The following GRM1 variants were observed in gnomAD, a reference collection of about 807,000 sequenced individuals.
The protein encoded by GRM1 is metabotropic glutamate receptor 1.
A neutral mutation model predicts 90.9 loss-of-function variants in GRM1; 33 were observed. The ratio of observed to expected loss-of-function variants is 0.36; its 90% CI spans 0.28 to 0.49. The LOEUF is 0.49. Ranked by LOEUF, GRM1 falls within the 20% of genes least tolerant of loss-of-function variation. GRM1 has a pLI of 0.99. For missense variants in GRM1, 1,190 were observed against 1,534.3 expected, an observed-to-expected ratio of 0.78 and a Z score of 3.75; for synonymous variants, 700 against 613.2, an observed-to-expected ratio of 1.14 and a Z score of -2.09.
chr6:146,288,463 A>C (rs770364013), intron 2 of GRM1, among the ~76,000 whole-genome samples: 6 of 152,196 alleles, frequency 3.9e-5, no homozygotes, highest in African/African-American at 9.7e-5. Flanking sequence ...TTACTTATGC[A>C]GTCATGAACC....
At chr6:146,215,344 T>C (rs1779831603) in intron 2 of GRM1, among the ~76,000 whole-genome samples, 1 of 152,202 alleles carries the variant, frequency 6.6e-6, no homozygotes, top group Non-Finnish European at 1.5e-5. Flanking sequence ...TCAGTATTTC[T>C]CTTTTTTTGT....
At chr6:146,373,548 A>C (rs995190929) in intron 5 of GRM1, among the ~76,000 whole-genome samples, 2 of 152,126 alleles carry the variant, frequency 1.3e-5, no homozygotes, top group Non-Finnish European at 2.9e-5. Flanking sequence ...CCCTTCTGCC[A>C]CACTGGGGAT....
At position 146,421,000 on chromosome 6, in the gene GRM1, A is replaced by G. The variant is rs144944182; in HGVS notation, c.2661-12872A>G. ...GTATTCATCAGGATAACAACATCTG[A>G]TATCTTTGAAAATTGCCATAATAAA... On this transcript the variant is annotated intron_variant, in intron 7 of 7. Transcript: ENST00000282753. Among the ~76,000 whole-genome samples, 346 of 152,278 alleles carry G rather than the reference A, an allele frequency of 2.3e-3. 2 individuals carry two copies. Among genetic ancestry groups the G allele is most frequent in the African/African-American group, 7.8e-3 (326 of 41,572 alleles).
At chr6:146,138,222 C>T (rs895179807) in intron 1 of GRM1, among the ~76,000 whole-genome samples, 4 of 151,870 alleles carry the variant, frequency 2.6e-5, no homozygotes, top group African/African-American at 9.7e-5. Flanking sequence ...AGTGGGCATC[C>T]GTGTTGTGTT....
intron 3 of GRM1, among the ~76,000 whole-genome samples, chr6:146,351,771 G>GA (rs533060235): frequency 0.026 from 3,898 of 149,318 alleles, 181 homozygotes; most frequent in African/African-American, 0.091. Context: ...CCCTAGAAAT[G>GA]AAAAAAAAAT....
chr6:146,113,127 CTTTAA>C (rs1775622943), intron 1 of GRM1, among the ~76,000 whole-genome samples: 1 of 152,146 alleles, frequency 6.6e-6, no homozygotes, highest in Non-Finnish European at 1.5e-5. Flanking sequence ...TATACTCAGT[CTTTAA>C]TTTAAGTGTG....
intron 1 of GRM1, among the ~76,000 whole-genome samples, chr6:146,153,315 T>C (rs1434708232): frequency 1.3e-5 from 2 of 152,240 alleles, no homozygotes; most frequent in African/African-American, 2.4e-5. Context: ...TTTCAGTTTG[T>C]ATGCTCTTTG....
chr6:146,418,636 T>A (rs1268620224), intron 7 of GRM1, among the ~76,000 whole-genome samples: 2 of 151,854 alleles, frequency 1.3e-5, no homozygotes, highest in African/African-American at 4.8e-5. Flanking sequence ...TAAGAATTTA[T>A]AATAAAAATA....
intron 6 of GRM1, among the ~76,000 whole-genome samples, chr6:146,398,527 C>A (rs1777047541): frequency 6.6e-6 from 1 of 152,106 alleles, no homozygotes; most frequent in African/African-American, 2.4e-5. Flanking sequence ...AAGAAAAGAT[C>A]ATTTTTATAG....
chr6:146,170,762 A>T (rs1460696391), intron 2 of GRM1, among the ~76,000 whole-genome samples: 2 of 151,976 alleles, frequency 1.3e-5, no homozygotes, highest in Non-Finnish European at 2.9e-5. Flanking sequence ...GTTATAGCTG[A>T]CATCTGGTCC....
intron 2 of GRM1, among the ~76,000 whole-genome samples, chr6:146,228,544 G>A (rs1780331686): frequency 6.6e-6 from 1 of 152,134 alleles, no homozygotes; most frequent in African/African-American, 2.4e-5. Flanking sequence ...GATTTTTTGA[G>A]GGGACATTCA....
chr6:146,210,819 G>A (rs765522023), intron 2 of GRM1, among the ~76,000 whole-genome samples: 2 of 152,150 alleles, frequency 1.3e-5, no homozygotes, highest in African/African-American at 2.4e-5. Context: ...AAATGCAGGG[G>A]TTGCTTGCAT....
intron 2 of GRM1, among the ~76,000 whole-genome samples, chr6:146,258,565 G>A (rs1443155662): frequency 6.6e-6 from 1 of 151,856 alleles, no homozygotes; most frequent in Non-Finnish European, 1.5e-5. Flanking sequence ...TGTTGCCCAG[G>A]CTGTAGTACA....
chr6:146,433,594 C>A (rs780807203), intron 7 of GRM1, among the ~76,000 whole-genome samples: 1 of 149,820 alleles, frequency 6.7e-6, no homozygotes, highest in East Asian at 2.0e-4. Context: ...GAGAGTGCAA[C>A]GGAGAAAAAA....
intron 7 of GRM1, among the ~76,000 whole-genome samples, chr6:146,411,652 G>C (rs918873671): frequency 1.3e-5 from 2 of 152,216 alleles, no homozygotes; most frequent in Admixed American, 1.3e-4. Context: ...GTCCAGGGAA[G>C]AGATTACAGT....
intron 3 of GRM1, among the ~76,000 whole-genome samples, chr6:146,338,091 T>A (rs532022606): frequency 6.6e-6 from 1 of 152,332 alleles, no homozygotes; most frequent in African/African-American, 2.4e-5. Flanking sequence ...AAGGAAATGA[T>A]CACGTTATGC....
intron 1 of GRM1, among the ~76,000 whole-genome samples, chr6:146,150,096 C>T (rs117281065): frequency 6.6e-6 from 1 of 152,052 alleles, no homozygotes; most frequent in Admixed American, 6.6e-5. Flanking sequence ...CAGAACCAAA[C>T]AAATTAAAAG....
intron 2 of GRM1, among the ~76,000 whole-genome samples, chr6:146,276,677 T>G (rs9403771): frequency 0.17 from 25,399 of 152,108 alleles, 2,738 homozygotes; most frequent in East Asian, 0.39. Context: ...TTTTTTTTTC[T>G]TCCAGAGAAA....
At chr6:146,425,567 A>G (rs1055935662) in intron 7 of GRM1, among the ~76,000 whole-genome samples, 3 of 152,172 alleles carry the variant, frequency 2.0e-5, no homozygotes, top group African/African-American at 4.8e-5. Context: ...TCAGATGTTG[A>G]CTCATAGAGA....
Sources: allele counts gnomAD v4.1 joint callset (sites outside exome capture counted in the v4.1 genomes callset), GRCh38; gene constraint gnomAD v4.1.1; transcripts MANE v1.5; gene names NCBI Gene and HGNC (gene_info 2026-07-23, HGNC 2026-07-21).